PLPPR5: variants seen among roughly 807,000 people sequenced by gnomAD.
The protein encoded by PLPPR5 is phospholipid phosphatase related 5.
In PLPPR5, 16 loss-of-function variants were observed where a neutral mutation model predicts 33.9. The observed-to-expected ratio is 0.47, with a 90% CI of 0.32 to 0.72. The LOEUF is 0.72. Ranked by LOEUF, PLPPR5 falls within the 30% of genes least tolerant of loss-of-function variation. The pLI, the probability that PLPPR5 is intolerant of heterozygous loss-of-function variation, is 0.03. For missense variants in PLPPR5, 301 were observed against 406.7 expected, an observed-to-expected ratio of 0.74 and a Z score of 2.23; for synonymous variants, 163 against 150.3, an observed-to-expected ratio of 1.08 and a Z score of -0.62.
intron 5 of PLPPR5, 79 bp from the exon 6 acceptor site, chr1:98,893,183 A>T (rs536839840): frequency 7.4e-7 from 1 of 1,348,446 alleles, no homozygotes; most frequent in African/African-American, 1.5e-5. Context: ...CTTTACAAAT[A>T]ATCATTAGCT....
At chr1:98,906,088 T>A (rs1197652595) in intron 5 of PLPPR5, among the ~76,000 whole-genome samples, 1 of 151,918 alleles carries the variant, frequency 6.6e-6, no homozygotes, top group African/African-American at 2.4e-5. Flanking sequence ...TAATGCTATA[T>A]ACCTAGTATA....
intron 1 of PLPPR5, among the ~76,000 whole-genome samples, chr1:98,975,076 C>G (rs969827786): frequency 6.6e-6 from 1 of 152,094 alleles, no homozygotes; most frequent in African/African-American, 2.4e-5. Context: ...CTCCCTGATG[C>G]AGCCTCTTTT....
chr1:99,004,169 C>T (rs998450366), intron 1 of PLPPR5: 2 of 514,262 alleles, frequency 3.9e-6, no homozygotes, highest in East Asian at 6.6e-5. Context: ...CCACCTACGG[C>T]CCCTCTTCCC....
chr1:98,995,301 G>A (rs11590423), intron 1 of PLPPR5, among the ~76,000 whole-genome samples: 10,640 of 151,958 alleles, frequency 0.07, 510 homozygotes, highest in Non-Finnish European at 0.096. Context: ...TAGACACTGG[G>A]GCCTACTTAA....
chr1:98,970,945 C>T (rs1353283533), intron 1 of PLPPR5, among the ~76,000 whole-genome samples: 1 of 152,036 alleles, frequency 6.6e-6, no homozygotes, highest in Non-Finnish European at 1.5e-5. Flanking sequence ...AACTTCTGCA[C>T]TTATCAGTAT....
At chr1:98,905,822 T>A (rs1401870130) in intron 5 of PLPPR5, among the ~76,000 whole-genome samples, 1 of 152,184 alleles carries the variant, frequency 6.6e-6, no homozygotes, top group African/African-American at 2.4e-5. Context: ...TTGTGATTAG[T>A]TTAATTCCTA....
rs922005924 is a variant in PLPPR5, at chr1:98,890,732, G to C, written c.*2340C>G. 1.3e-5 allele frequency: 2 copies of C among 152,426 alleles called. No individual in the cohort carries two copies. Among genetic ancestry groups the C allele is most frequent in the Non-Finnish European group, 2.9e-5 (2 of 67,988 alleles). 9.4% of individuals were successfully genotyped at this position (152,426 alleles called of 1,614,324 possible). ...GAATAAGGGCTATTTTCTGGCTTTT[G>C]CCTTATTCACATGTATCTTGCCTTT... On this transcript the variant is annotated 3_prime_UTR_variant, in exon 6 of 6. Transcript: ENST00000263177.
intron 3 of PLPPR5, among the ~76,000 whole-genome samples, chr1:98,937,572 T>C (rs2101186465): frequency 6.6e-6 from 1 of 152,124 alleles, no homozygotes; most frequent in Non-Finnish European, 1.5e-5. Context: ...TGTGAGAAGA[T>C]TATGGGTAGG....
intron 1 of PLPPR5, among the ~76,000 whole-genome samples, chr1:99,002,641 A>T (rs936039222): frequency 2.6e-5 from 4 of 152,168 alleles, no homozygotes; most frequent in Non-Finnish European, 5.9e-5. Flanking sequence ...TCCGTCCTAC[A>T]TTCCTCCTAA....
intron 5 of PLPPR5, among the ~76,000 whole-genome samples, chr1:98,903,920 C>A (rs1317650872): frequency 2.0e-5 from 3 of 152,158 alleles, no homozygotes; most frequent in African/African-American, 2.4e-5. Flanking sequence ...TCACCATGAC[C>A]ACTGTAATCT....
At chr1:98,934,812 T>A (rs1283787783) in intron 3 of PLPPR5, among the ~76,000 whole-genome samples, 1 of 152,104 alleles carries the variant, frequency 6.6e-6, no homozygotes, top group Non-Finnish European at 1.5e-5. Context: ...CAAAACTTCC[T>A]GTAGGGGCCA....
chr1:98,927,446 C>G (rs1649809598), intron 3 of PLPPR5, among the ~76,000 whole-genome samples: 1 of 152,178 alleles, frequency 6.6e-6, no homozygotes, highest in African/African-American at 2.4e-5. Flanking sequence ...CTTGTGGCCC[C>G]ATACTGACTT....
chr1:98,909,191 T>G (rs905919554), intron 5 of PLPPR5, among the ~76,000 whole-genome samples: 1 of 151,354 alleles, frequency 6.6e-6, no homozygotes, highest in Admixed American at 6.6e-5. Flanking sequence ...GTTTAAGCAT[T>G]GCTCTGACTG....
chr1:98,926,844 T>G (rs987948297), intron 3 of PLPPR5, among the ~76,000 whole-genome samples: 13 of 152,244 alleles, frequency 8.5e-5, no homozygotes, highest in African/African-American at 2.9e-4. Flanking sequence ...TATAAAATTT[T>G]TATTTAAAAA....
At chr1:98,929,908 T>C (rs2101174235) in intron 3 of PLPPR5, among the ~76,000 whole-genome samples, 1 of 152,336 alleles carries the variant, frequency 6.6e-6, no homozygotes, top group African/African-American at 2.4e-5. Context: ...AGTGAGATGA[T>C]ATTTACATAA....
At chr1:98,905,278 A>C (rs1648853417) in intron 5 of PLPPR5, among the ~76,000 whole-genome samples, 1 of 152,144 alleles carries the variant, frequency 6.6e-6, no homozygotes, top group South Asian at 2.1e-4. Flanking sequence ...CACACAGAAC[A>C]CTTTTCCATG....
At chr1:98,965,023 G>A (rs904226721) in intron 1 of PLPPR5, among the ~76,000 whole-genome samples, 5 of 145,876 alleles carry the variant, frequency 3.4e-5, no homozygotes, top group African/African-American at 1.3e-4. Flanking sequence ...ATGTTGCCCA[G>A]GCTGGTCTTG....
chr1:98,912,017 C>T (rs1649170037), intron 5 of PLPPR5, among the ~76,000 whole-genome samples: 1 of 152,170 alleles, frequency 6.6e-6, no homozygotes. Context: ...GATCCTTCCA[C>T]CTTAGCCTCC....
At chr1:98,989,936 A>G (rs1652392595) in intron 1 of PLPPR5, among the ~76,000 whole-genome samples, 2 of 152,206 alleles carry the variant, frequency 1.3e-5, no homozygotes, top group Admixed American at 1.3e-4. Context: ...AATAAAAGCC[A>G]ATTAAGATAT....
Sources: gnomAD v4.1 joint callset for allele counts (sites outside exome capture counted in the v4.1 genomes callset) on GRCh38, gnomAD v4.1.1 for gene constraint, MANE v1.5 for transcripts, NCBI Gene and HGNC (gene_info 2026-07-23, HGNC 2026-07-21) for gene names.